Variants in ATP5F1C observed in about 807,000 individuals in gnomAD.
ATP5F1C encodes ATP synthase F1 subunit gamma, also known as ATP synthase F(1) complex subunit gamma, mitochondrial.
ATP5F1C carries 22 observed loss-of-function variants against 37.4 expected under a neutral mutation model. The ratio of observed to expected loss-of-function variants is 0.59; its 90% CI spans 0.42 to 0.84. The LOEUF is 0.84. ATP5F1C is among the 40% of genes least tolerant of loss of function. The pLI is 0.00. For missense variants in ATP5F1C, 286 were observed against 362.4 expected, an observed-to-expected ratio of 0.79 and a Z score of 1.71; for synonymous variants, 121 against 128.0, an observed-to-expected ratio of 0.95 and a Z score of 0.37.
intron 3 of ATP5F1C, among the ~76,000 whole-genome samples, chr10:7,797,464 C>A (rs1257369451): frequency 6.6e-6 from 1 of 152,142 alleles, no homozygotes; most frequent in African/African-American, 2.4e-5. Context: ...TCTGTTTGGA[C>A]CTATGTGGTT....
intron 8 of ATP5F1C, 85 bp from the exon 9 acceptor site, chr10:7,806,889 G>A: frequency 8.5e-7 from 1 of 1,182,084 alleles, no homozygotes; most frequent in Non-Finnish European, 1.2e-6. Context: ...TTTTTTCATT[G>A]GAAAGCATAT....
At chr10:7,807,548 G>A in intron 9 of ATP5F1C, 111 bp from the exon 10 acceptor site, 1 of 1,305,866 alleles carries the variant, frequency 7.7e-7, no homozygotes, top group Middle Eastern at 1.9e-4. Context: ...ACACTTTATT[G>A]TGTAAATTCA....
rs1402712007 is a variant in ATP5F1C, at chr10:7,802,099, TATC to T, written c.638-167_638-165del. On this transcript the variant is annotated intron_variant, in intron 6 of 9. Coordinates refer to ENST00000356708, the MANE Select transcript of ATP5F1C (RefSeq NM_001001973.3). ...ACATTATATTTTGCTAAAAATATGC[TATC>T]ATCTGTAGTGTGGAAATAGATGACA... 4.3e-5 allele frequency: 28 copies of T among 644,892 alleles called. No homozygotes were observed. In the African/African-American group the frequency reaches 4.7e-4, roughly 11 times the overall value. 39.9% of individuals were successfully genotyped at this position (644,892 alleles called of 1,614,324 possible).
At chr10:7,789,236 T>C (rs992022900) in intron 1 of ATP5F1C, among the ~76,000 whole-genome samples, 1 of 152,166 alleles carries the variant, frequency 6.6e-6, no homozygotes, top group Non-Finnish European at 1.5e-5. Context: ...TTCCCTGCTC[T>C]TAACAGTGTG....
In ATP5F1C at chr10:7,802,810, C is replaced by A; in HGVS notation, c.846C>A (p.Val282=). 1 of 1,614,010 alleles carries A rather than the reference C, an allele frequency of 6.2e-7. No individual in the cohort carries two copies. The highest frequency in any genetic ancestry group is 1.1e-5 in the South Asian group (1 of 91,046). Residue 282 remains valine, a synonymous_variant, in exon 8 of 10, where the codon GTC becomes GTA. Transcript: ENST00000356708. ...CATTCAACCGTACCCGCCAAGCTGT[C>A]ATCACAAAAGAGTTGATTGAAATTA... is the stretch of plus-strand genomic sequence containing the variant. The part of the protein sequence containing the change: ...TLTFNRTRQA[V]ITKELIEIIS...
intron 8 of ATP5F1C, among the ~76,000 whole-genome samples, chr10:7,804,736 T>G (rs1298510175): frequency 6.6e-6 from 1 of 152,244 alleles, no homozygotes; most frequent in African/African-American, 2.4e-5. Context: ...CATTGCCTGG[T>G]ACATACCTCC....
At chr10:7,803,588 GC>G (rs1204038565) in intron 8 of ATP5F1C, among the ~76,000 whole-genome samples, 3 of 151,956 alleles carry the variant, frequency 2.0e-5, no homozygotes, top group Non-Finnish European at 4.4e-5. Context: ...ACTATATACT[GC>G]TTTCCTCAAG....
chr10:7,807,759 A>C lies in ATP5F1C; in HGVS notation c.*131A>C, dbSNP rs1313735583. ...ATTATTTGAATTACTGAAGACAGCAAGATATTTGTAAATTATCTTAAAATA... is the reference window on the plus strand; with the variant it reads ...ATTATTTGAATTACTGAAGACAGCACGATATTTGTAAATTATCTTAAAATA... On this transcript the variant is annotated 3_prime_UTR_variant, in exon 10 of 10. Coordinates refer to ENST00000356708, the MANE Select transcript of ATP5F1C (RefSeq NM_001001973.3). 7.6e-7 allele frequency: 1 copy of C among 1,314,706 alleles called. No homozygotes were observed. Among genetic ancestry groups the C allele is most frequent in the African/African-American group, 1.5e-5 (1 of 67,588 alleles). 81.4% of individuals were successfully genotyped at this position (1,314,706 alleles called of 1,614,324 possible). A position where few individuals can be genotyped will look rare whatever the true frequency, so the allele number is the denominator to read the frequency against.
In ATP5F1C at chr10:7,800,047, CAG is replaced by C; in HGVS notation, c.595_596del (p.Glu199ArgfsTer8). ...TCTAGGTCTGTCATCTCCTATAAGA[CAG>C]AAGAAAAGCCCATCTTTTCCCTTAA... On this transcript the variant is annotated frameshift_variant, in exon 6 of 10. Coordinates refer to ENST00000356708, the MANE Select transcript of ATP5F1C (RefSeq NM_001001973.3). LOFTEE classifies it high-confidence loss of function. The C allele has an allele frequency of 6.8e-6, 11 of 1,613,958 alleles. No homozygotes were observed. Among genetic ancestry groups the C allele is most frequent in the Non-Finnish European group, 9.3e-6 (11 of 1,179,934 alleles).
Position 7,799,768 on chromosome 10 carries a change from A to G in ATP5F1C, c.429-4A>G. On this transcript the variant is annotated splice_polypyrimidine_tract_variant and splice_region_variant and intron_variant, in intron 4 of 9. Coordinates refer to ENST00000356708, the MANE Select transcript of ATP5F1C (RefSeq NM_001001973.3). ...AGCTATGTGAGCTCTTGCTTTTCTT[A>G]TAGGACTCATTCTGACCAGTTTCTG... 1 of 1,612,542 alleles carries G rather than the reference A, an allele frequency of 6.2e-7. No homozygotes were observed. Among genetic ancestry groups the G allele is most frequent in the South Asian group, 1.1e-5 (1 of 90,884 alleles).
chr10:7,798,727 C>T (rs1836289775), intron 3 of ATP5F1C, among the ~76,000 whole-genome samples: 1 of 151,482 alleles, frequency 6.6e-6, no homozygotes, highest in Non-Finnish European at 1.5e-5. Context: ...GACGGGATTT[C>T]ACTACGTTGG....
chr10:7,792,403 A>T (rs747639815), intron 1 of ATP5F1C, among the ~76,000 whole-genome samples: 28 of 152,198 alleles, frequency 1.8e-4, no homozygotes, highest in Admixed American at 1.2e-3. Context: ...CAAAAAACAA[A>T]GATCCACTCT....
rs1210513971 is a variant in ATP5F1C, at chr10:7,802,421, T to C, written c.789T>C (p.Asn263=). The change falls in exon 7 of 10, where the codon AAT becomes AAC. Residue 263 remains asparagine, a synonymous_variant. Transcript: ENST00000356708. ...RMTAMDNASK[N]ASEMIDKLTL... ...CAGCCATGGACAATGCCAGCAAGAA[T>C]GCTTGTAAGTACACAGTATGGACAG... The C allele has an allele frequency of 2.5e-6, 4 of 1,611,956 alleles. No homozygotes were observed. The highest frequency in any genetic ancestry group is 2.5e-6 in the Non-Finnish European group (3 of 1,179,084).
Position 7,799,824 on chromosome 10 carries a change from C to A in ATP5F1C, c.481C>A (p.Pro161Thr). 6.2e-7 allele frequency: 1 copy of A among 1,614,154 alleles called. No homozygotes were observed. The highest frequency in any genetic ancestry group is 8.5e-7 in the Non-Finnish European group (1 of 1,180,020). Residue 161 changes from proline (P) to threonine (T), a missense_variant, in exon 5 of 10, where the codon CCC (proline) becomes ACC (threonine). Pro to Thr is a conservative substitution (Grantham distance 38). Transcript: ENST00000356708. ...VAFKEVGRKP[P>T]TFGDASVIAL... ...ATTCAAAGAAGTGGGAAGAAAGCCCCCCACTTTTGGAGATGCGTCAGTCAT... is the reference window on the plus strand; with the variant it reads ...ATTCAAAGAAGTGGGAAGAAAGCCCACCACTTTTGGAGATGCGTCAGTCAT...
rs751377060 is a variant in ATP5F1C at position 7,799,022 on chromosome 10, G to C, written c.256G>C (p.Glu86Gln). 1 of 1,612,310 alleles carries C rather than the reference G, an allele frequency of 6.2e-7. No homozygotes were observed. Among genetic ancestry groups the C allele is most frequent in the Admixed American group, 1.7e-5 (1 of 60,016 alleles). Reference sequence around the variant, plus strand: ...TGAAAAAGCTGATATCAAGGGGCCTGAAGACAAGAAGAAACACCTCCTTAT... The same window carrying C: ...TGAAAAAGCTGATATCAAGGGGCCTCAAGACAAGAAGAAACACCTCCTTAT... ...LYEKADIKGP[E>Q]DKKKHLLIGV... The change falls in exon 4 of 10, where the codon GAA becomes CAA. Residue 86 changes from glutamate to glutamine, a missense_variant. By Grantham distance (29) the Glu-to-Gln change is conservative. Transcript: ENST00000356708.
chr10:7,801,012 C>T (rs1253103736), intron 6 of ATP5F1C, among the ~76,000 whole-genome samples: 2 of 152,116 alleles, frequency 1.3e-5, no homozygotes, highest in South Asian at 2.1e-4. Flanking sequence ...AAAACAGAAG[C>T]TCTAGAATAG....
chr10:7,794,716 G>A (rs1030308377), intron 1 of ATP5F1C, among the ~76,000 whole-genome samples: 1 of 152,160 alleles, frequency 6.6e-6, no homozygotes, highest in African/African-American at 2.4e-5. Flanking sequence ...TAGTGATGGT[G>A]TATAATTATT....
intron 8 of ATP5F1C, among the ~76,000 whole-genome samples, chr10:7,805,362 G>T (rs963773652): frequency 1.9e-4 from 29 of 152,112 alleles, no homozygotes; most frequent in Non-Finnish European, 4.1e-4. Flanking sequence ...ACCCAAGGGG[G>T]TTTTTTTGCT....
intron 1 of ATP5F1C, 129 bp downstream of exon 1, chr10:7,788,392 C>T: frequency 1.5e-6 from 2 of 1,315,602 alleles, no homozygotes; most frequent in South Asian, 1.2e-5. Flanking sequence ...CCTGGCCCGT[C>T]GGAGGCGCCG....
Sources: allele counts gnomAD v4.1 joint callset (sites outside exome capture counted in the v4.1 genomes callset), GRCh38; gene constraint gnomAD v4.1.1; transcripts MANE v1.5; gene names NCBI Gene and HGNC (gene_info 2026-07-23, HGNC 2026-07-21).